STPG2: variants seen among roughly 807,000 people sequenced by gnomAD.
STPG2 encodes sperm tail PG-rich repeat containing 2, also known as sperm-tail PG-rich repeat-containing protein 2.
Under a neutral mutation model 54.2 loss-of-function variants are expected in STPG2, and 56 were observed. The ratio of observed to expected loss-of-function variants is 1.03; its 90% CI spans 0.83 to 1.29. STPG2 has a LOEUF of 1.29. Among genes scored for constraint, STPG2 ranks in the 50% most tolerant of loss-of-function variants. STPG2 has a pLI of 0.00. For missense variants in STPG2, 596 were observed against 544.9 expected, an observed-to-expected ratio of 1.09 and a Z score of -0.93; for synonymous variants, 200 against 181.8, an observed-to-expected ratio of 1.10 and a Z score of -0.81.
intron 9 of STPG2, among the ~76,000 whole-genome samples, chr4:97,839,490 G>A (rs140823030): frequency 2.0e-5 from 3 of 151,528 alleles, no homozygotes; most frequent in African/African-American, 7.3e-5. Flanking sequence ...AAGACCCTGA[G>A]ATTAATATTA....
chr4:98,070,511 G>A (rs1737968961), intron 5 of STPG2, among the ~76,000 whole-genome samples: 1 of 151,930 alleles, frequency 6.6e-6, no homozygotes, highest in East Asian at 1.9e-4. Context: ...TAGAAGTTCT[G>A]GCCAGGGCAA....
chr4:97,616,090 A>ATT (rs1383144935), intron 10 of STPG2, among the ~76,000 whole-genome samples: 1 of 84,864 alleles, frequency 1.2e-5, no homozygotes, highest in African/African-American at 3.3e-5. Flanking sequence ...ATATATATAT[A>ATT]TATATGTATG....
chr4:97,782,135 T>A (rs1726650117), intron 9 of STPG2, among the ~76,000 whole-genome samples: 1 of 152,102 alleles, frequency 6.6e-6, no homozygotes, highest in African/African-American at 2.4e-5. Context: ...AAAGAGGAAG[T>A]CAAATTGTCC....
At chr4:97,681,090 AT>A (rs2148979057) in intron 10 of STPG2, among the ~76,000 whole-genome samples, 1 of 152,094 alleles carries the variant, frequency 6.6e-6, no homozygotes, top group Non-Finnish European at 1.5e-5. Context: ...CAAACTGCAT[AT>A]GTAGTAACAC....
chr4:97,743,612 G>T lies in STPG2; in HGVS notation c.1205-30798C>A, dbSNP rs574452646. Among the ~76,000 whole-genome samples, 6 of 151,690 alleles carry T rather than the reference G, an allele frequency of 4.0e-5. No homozygotes were observed. The East Asian group carries it at 1.2e-3, about 29-fold the overall frequency. ...CTCATATCATTTGTTCAATAAAGCA[G>T]AATTTATTTAGCATCTTTGTGCTAG... is the stretch of plus-strand genomic sequence containing the variant. On this transcript the variant is annotated intron_variant, in intron 9 of 10. Coordinates refer to ENST00000295268, the MANE Select transcript of STPG2 (RefSeq NM_174952.3).
intron 8 of STPG2, among the ~76,000 whole-genome samples, chr4:97,860,793 C>T (rs1263879954): frequency 6.6e-6 from 1 of 152,060 alleles, no homozygotes; most frequent in African/African-American, 2.4e-5. Flanking sequence ...ATTTCTCTGG[C>T]TAAAATTTCA....
intron 8 of STPG2, among the ~76,000 whole-genome samples, chr4:97,851,768 A>C (rs967139690): frequency 6.6e-6 from 1 of 152,180 alleles, no homozygotes; most frequent in Non-Finnish European, 1.5e-5. Flanking sequence ...CTTTGCTATC[A>C]AAAAGTAGAC....
chr4:97,874,169 A>G (rs1040953994), intron 8 of STPG2, among the ~76,000 whole-genome samples: 1 of 151,720 alleles, frequency 6.6e-6, no homozygotes, highest in Non-Finnish European at 1.5e-5. Flanking sequence ...AGCTTTGACC[A>G]ACTGAAATGA....
At chr4:98,042,197 G>C (rs1169857251) in intron 5 of STPG2, among the ~76,000 whole-genome samples, 1 of 146,258 alleles carries the variant, frequency 6.8e-6, no homozygotes, top group Non-Finnish European at 1.5e-5. Flanking sequence ...TTTCATTTCT[G>C]ATTCTTTATT....
At chr4:97,608,373 A>C (rs978899794) in intron 10 of STPG2, among the ~76,000 whole-genome samples, 4 of 152,058 alleles carry the variant, frequency 2.6e-5, no homozygotes, top group Admixed American at 2.0e-4. Context: ...TAATGCTCAG[A>C]GGAATGAACA....
chr4:97,570,886 T>C (rs1244487939), intron 10 of STPG2, among the ~76,000 whole-genome samples: 1 of 152,180 alleles, frequency 6.6e-6, no homozygotes, highest in Non-Finnish European at 1.5e-5. Flanking sequence ...AATATACGCA[T>C]TCATAAACTT....
chr4:97,937,326 C>A (rs1358333701), intron 8 of STPG2, among the ~76,000 whole-genome samples: 4 of 152,080 alleles, frequency 2.6e-5, no homozygotes, highest in Non-Finnish European at 5.9e-5. Flanking sequence ...TTAGAACATG[C>A]TCCTTTACCT....
Position 97,507,950 on chromosome 4 carries a change from G to A in STPG2, c.462+204749C>T, listed in dbSNP as rs185437486. On this transcript the variant is annotated intron_variant, in intron 4 of 4. Transcript: ENST00000522676. ...ATTAAATCATCAGTCACATGATTAA[G>A]CTCAATCTTTAGCCGCCCGCTACTC... Among the ~76,000 whole-genome samples the A allele has an allele frequency of 2.3e-3, 351 of 152,084 alleles. 1 individual carries two copies. The highest frequency in any genetic ancestry group is 8.0e-3 in the African/African-American group (334 of 41,522).
At chr4:97,869,574 G>A (rs1167389749) in intron 8 of STPG2, among the ~76,000 whole-genome samples, 2 of 151,600 alleles carry the variant, frequency 1.3e-5, no homozygotes, top group African/African-American at 4.8e-5. Context: ...TTGATTAGCA[G>A]GGTTCAGCCT....
chr4:97,859,414 G>A (rs1345498245), intron 8 of STPG2, among the ~76,000 whole-genome samples: 1 of 149,608 alleles, frequency 6.7e-6, no homozygotes, highest in Non-Finnish European at 1.5e-5. Context: ...GTTTAATTGG[G>A]TTCATCTATT....
chr4:97,957,078 T>A (rs1037728260), intron 7 of STPG2, among the ~76,000 whole-genome samples: 7 of 151,236 alleles, frequency 4.6e-5, no homozygotes, highest in African/African-American at 1.7e-4. Flanking sequence ...TAAATATATA[T>A]ATATGTGAAA....
At chr4:97,488,398 A>C (rs2148825738) in intron 4 of STPG2, among the ~76,000 whole-genome samples, 1 of 151,862 alleles carries the variant, frequency 6.6e-6, no homozygotes, top group East Asian at 1.9e-4. Flanking sequence ...CAGAAAGATT[A>C]ACTATTTTGC....
intron 4 of STPG2, among the ~76,000 whole-genome samples, chr4:97,443,286 G>A (rs79354170): frequency 0.023 from 3,431 of 152,152 alleles, 104 homozygotes; most frequent in African/African-American, 0.075. Context: ...TGGCCTTATC[G>A]GGATCTCTAA....
chr4:97,860,706 GA>G (rs1729499860), intron 8 of STPG2, among the ~76,000 whole-genome samples: 1 of 151,864 alleles, frequency 6.6e-6, no homozygotes, highest in Non-Finnish European at 1.5e-5. Context: ...CTAGATACAT[GA>G]CCGTATCATC....
Sources: gnomAD v4.1 joint callset for allele counts (sites outside exome capture counted in the v4.1 genomes callset) on GRCh38, gnomAD v4.1.1 for gene constraint, MANE v1.5 for transcripts, NCBI Gene and HGNC (gene_info 2026-07-23, HGNC 2026-07-21) for gene names.